TRDN: variants seen among roughly 807,000 people sequenced by gnomAD.
TRDN encodes the protein triadin in skeletal muscle.
In TRDN, 161 loss-of-function variants were observed where a neutral mutation model predicts 149.7. The ratio of observed to expected loss-of-function variants is 1.08; its 90% CI spans 0.95 to 1.23. The LOEUF (loss-of-function observed/expected upper bound fraction) is 1.23, where lower values mean the gene tolerates loss of function less well. TRDN is among the 50% of genes most tolerant of loss of function. TRDN has a pLI of 0.00. For synonymous variants in TRDN, 294 were observed against 250.5 expected, an observed-to-expected ratio of 1.17 and a Z score of -1.64; for missense variants, 896 against 823.5, an observed-to-expected ratio of 1.09 and a Z score of -1.08.
chr6:123,437,352 A>C, intron 12 of TRDN: 1 of 302,244 alleles, frequency 3.3e-6, no homozygotes, highest in South Asian at 3.2e-5. Flanking sequence ...TGTCACTGTA[A>C]ATTCTTTCTC....
intron 21 of TRDN, among the ~76,000 whole-genome samples, chr6:123,344,059 C>G (rs1780162730): frequency 6.6e-6 from 1 of 152,054 alleles, no homozygotes; most frequent in Non-Finnish European, 1.5e-5. Flanking sequence ...AGGGCTGTCA[C>G]AGCACATCAC....
In TRDN at chr6:123,565,913, G is replaced by T. The variant is rs536387819; in HGVS notation, c.232+5010C>A. ...ACTTTGTTCTTGTCAGTTTCAGTTT[G>T]TCCCAAGTCCCTCCCATTCTATCCA... On this transcript the variant is annotated intron_variant, in intron 2 of 40. Transcript: ENST00000334268. Among the ~76,000 whole-genome samples, 153 of 152,282 alleles carry T rather than the reference G, an allele frequency of 1.0e-3. 1 individual carries two copies. Among genetic ancestry groups the T allele is most frequent in the African/African-American group, 3.5e-3 (145 of 41,560 alleles).
intron 10 of TRDN, among the ~76,000 whole-genome samples, chr6:123,455,570 C>G (rs1776068895): frequency 6.6e-6 from 1 of 152,150 alleles, no homozygotes; most frequent in Admixed American, 6.5e-5. Flanking sequence ...AGTTTACTGA[C>G]TTGGACTCAG....
At chr6:123,585,002 C>T (rs1053074420) in intron 1 of TRDN, among the ~76,000 whole-genome samples, 2 of 151,862 alleles carry the variant, frequency 1.3e-5, no homozygotes, top group South Asian at 2.1e-4. Flanking sequence ...TGATAACAGG[C>T]TTTAATCCTT....
rs572265412 is a variant in TRDN at position 123,372,300 on chromosome 6, A to C, written c.1273+3305T>G. ...TACAGATGTCTCCTAAATGATCTTG[A>C]CATATATTAGTAGATTAGATGATAG... On this transcript the variant is annotated intron_variant, in intron 19 of 40. Transcript: ENST00000334268. Among the ~76,000 whole-genome samples, 4 of 152,172 alleles carry C rather than the reference A, an allele frequency of 2.6e-5. No individual in the cohort carries two copies. In the East Asian group the frequency reaches 7.7e-4, roughly 29 times the overall value.
At chr6:123,332,412 T>C (rs970831629) in intron 22 of TRDN, among the ~76,000 whole-genome samples, 1 of 151,976 alleles carries the variant, frequency 6.6e-6, no homozygotes, top group African/African-American at 2.4e-5. Context: ...CAAAATAAAA[T>C]TTGAGAGACA....
intron 24 of TRDN, among the ~76,000 whole-genome samples, chr6:123,289,035 G>A (rs915025955): frequency 6.8e-6 from 1 of 147,370 alleles, no homozygotes. Context: ...GTGTGTGTGT[G>A]TGTATATATA....
intron 1 of TRDN, among the ~76,000 whole-genome samples, chr6:123,575,718 G>A (rs1273399209): frequency 2.6e-5 from 4 of 152,080 alleles, no homozygotes; most frequent in Admixed American, 6.6e-5. Context: ...AGGAGGGATT[G>A]CTTATATAAT....
At chr6:123,494,194 G>A (rs554249867) in intron 9 of TRDN, among the ~76,000 whole-genome samples, 1 of 152,240 alleles carries the variant, frequency 6.6e-6, no homozygotes, top group South Asian at 2.1e-4. Context: ...ATCTTCAGGG[G>A]TTGGAATACT....
intron 12 of TRDN, among the ~76,000 whole-genome samples, chr6:123,406,479 A>C (rs1773194711): frequency 6.6e-6 from 1 of 152,078 alleles, no homozygotes; most frequent in African/African-American, 2.4e-5. Context: ...ACTTCTCTTC[A>C]AAATAATGCC....
chr6:123,523,653 G>A (rs1468673166), intron 5 of TRDN, among the ~76,000 whole-genome samples: 1 of 152,130 alleles, frequency 6.6e-6, no homozygotes, highest in Non-Finnish European at 1.5e-5. Context: ...AAGAGAGAAA[G>A]TAGACTAAAT....
intron 20 of TRDN, among the ~76,000 whole-genome samples, chr6:123,360,595 G>C (rs1276944628): frequency 6.6e-6 from 1 of 152,104 alleles, no homozygotes; most frequent in Non-Finnish European, 1.5e-5. Flanking sequence ...TGGCATGGTA[G>C]GGACAGGAGC....
At chr6:123,378,194 T>G (rs527348273) in intron 16 of TRDN, among the ~76,000 whole-genome samples, 2 of 152,074 alleles carry the variant, frequency 1.3e-5, no homozygotes, top group African/African-American at 4.8e-5. Flanking sequence ...GTGAAAAAAA[T>G]TAAATTTGCT....
intron 1 of TRDN, among the ~76,000 whole-genome samples, chr6:123,612,487 G>A (rs925487208): frequency 2.0e-5 from 3 of 151,452 alleles, no homozygotes; most frequent in Admixed American, 6.6e-5. Context: ...GGTGGCGGGC[G>A]CCTGTAATCC....
At chr6:123,334,256 A>G (rs1779779547) in intron 22 of TRDN, among the ~76,000 whole-genome samples, 1 of 152,092 alleles carries the variant, frequency 6.6e-6, no homozygotes, top group Admixed American at 6.6e-5. Context: ...CAGTTCTGTC[A>G]AGATTCCTCT....
At chr6:123,626,407 G>A (rs1286957616) in intron 1 of TRDN, among the ~76,000 whole-genome samples, 1 of 152,138 alleles carries the variant, frequency 6.6e-6, no homozygotes, top group Non-Finnish European at 1.5e-5. Context: ...CTTGAACCCA[G>A]GAGGCAGAGG....
chr6:123,589,170 T>A lies in TRDN; in HGVS notation c.23-18038A>T, dbSNP rs947577696. On this transcript the variant is annotated intron_variant, in intron 1 of 40. Transcript: ENST00000334268. ...TGCCCAACTTTGTGAATTAGAAGTT[T>A]GCGGAAAGAATCTGCAGAAAATCTC... Among the ~76,000 whole-genome samples the A allele has an allele frequency of 2.0e-5, 3 of 152,238 alleles. No homozygotes were observed. The South Asian group carries it at 6.2e-4, about 31-fold the overall frequency.
At chr6:123,464,468 G>C (rs1473677180) in intron 10 of TRDN, 7 of 975,450 alleles carry the variant, frequency 7.2e-6, no homozygotes, top group Non-Finnish European at 8.6e-6. Context: ...CTTAGAGATG[G>C]CAAAACTCAT....
intron 10 of TRDN, among the ~76,000 whole-genome samples, chr6:123,439,341 A>T (rs1261022142): frequency 6.6e-6 from 1 of 152,252 alleles, no homozygotes; most frequent in East Asian, 1.9e-4. Context: ...GATATATAAA[A>T]TTAAAATATA....
Sources: allele counts gnomAD v4.1 joint callset (sites outside exome capture counted in the v4.1 genomes callset), GRCh38; gene constraint gnomAD v4.1.1; transcripts MANE v1.5; gene names NCBI Gene and HGNC (gene_info 2026-07-23, HGNC 2026-07-21).